VRTN: variants seen among roughly 807,000 people sequenced by gnomAD.
VRTN encodes vertebrae development associated, also known as vertnin.
VRTN carries 5 observed loss-of-function variants against 18.2 expected under a neutral mutation model. The observed-to-expected ratio is 0.27, with a 90% CI of 0.14 to 0.58. The LOEUF is 0.58. Ranked by LOEUF, VRTN falls within the 20% of genes least tolerant of loss-of-function variation. The pLI is 0.91. For synonymous variants in VRTN, 381 were observed against 393.7 expected (o/e 0.97, Z 0.38); for missense variants, 741 against 939.4 (o/e 0.79, Z 2.76).
chr14:74,306,077 AT>A (rs1286138283), intron 1 of VRTN: 1 of 147,870 alleles, frequency 6.8e-6, no homozygotes, highest in African/African-American at 2.5e-5. Context: ...TAAAATTTAA[AT>A]TTAAAGATTA....
intron 1 of VRTN, among the ~76,000 whole-genome samples, chr14:74,315,474 G>C (rs2085414536): frequency 1.3e-5 from 2 of 152,170 alleles, no homozygotes; most frequent in African/African-American, 2.4e-5. Flanking sequence ...CGAGGCGGGA[G>C]GACTGCTTGA....
intron 1 of VRTN, among the ~76,000 whole-genome samples, chr14:74,315,938 C>G (rs1408170222): frequency 6.6e-6 from 1 of 152,200 alleles, no homozygotes; most frequent in Non-Finnish European, 1.5e-5. Context: ...CAGTGGCCCT[C>G]CTTTCTACCC....
At chr14:74,322,648 A>T (rs932216322) in intron 1 of VRTN, among the ~76,000 whole-genome samples, 1 of 152,050 alleles carries the variant, frequency 6.6e-6, no homozygotes. Flanking sequence ...GCCCCTATGG[A>T]ACTGTCCAAC....
At chr14:74,337,129 G>C (rs1348813867) in intron 1 of VRTN, among the ~76,000 whole-genome samples, 1 of 152,100 alleles carries the variant, frequency 6.6e-6, no homozygotes, top group Non-Finnish European at 1.5e-5. Flanking sequence ...GATCACTTGA[G>C]GTCAGGAGTT....
chr14:74,327,940 C>T (rs1442674957), intron 1 of VRTN, among the ~76,000 whole-genome samples: 1 of 152,058 alleles, frequency 6.6e-6, no homozygotes, highest in African/African-American at 2.4e-5. Context: ...GGGCTGGTCG[C>T]GAACCCCTGA....
At position 74,356,961 on chromosome 14, in the gene VRTN, T is replaced by C; in HGVS notation, c.178T>C (p.Ser60Pro). The C allele has an allele frequency of 6.2e-7, 1 of 1,613,744 alleles. No individual in the cohort carries two copies. The highest frequency in any genetic ancestry group is 1.1e-5 in the South Asian group (1 of 91,016). Residue 60 changes from serine to proline, a missense_variant, in exon 2 of 2, where the codon TCG becomes CCG. By Grantham distance (74) the Ser-to-Pro change is moderately conservative. Coordinates refer to ENST00000256362, the MANE Select transcript of VRTN (RefSeq NM_018228.3). The stretch of plus-strand genomic sequence containing the variant: ...TGGCCTCCAGGTGCTGGAAGTGGAC[T>C]CGGTGGCCCTGAGCCTGTATCCAGA... ...GPGLQVLEVD[S>P]VALSLYPEDA...
intron 1 of VRTN, among the ~76,000 whole-genome samples, chr14:74,348,944 C>T (rs1464719399): frequency 6.8e-6 from 1 of 148,110 alleles, no homozygotes; most frequent in Non-Finnish European, 1.5e-5. Flanking sequence ...TGGCCTCGGT[C>T]CCTCCCCAGG....
upstream of VRTN, among the ~76,000 whole-genome samples, chr14:74,345,486 G>A (rs2085638076): frequency 6.6e-6 from 1 of 150,610 alleles, no homozygotes; most frequent in Non-Finnish European, 1.5e-5. Context: ...CGAGTAGCTG[G>A]GATTATGGGC....
chr14:74,344,558 C>T (rs2085630453), upstream of VRTN, among the ~76,000 whole-genome samples: 1 of 150,766 alleles, frequency 6.6e-6, no homozygotes, highest in South Asian at 2.1e-4. Flanking sequence ...ATGGTAAAAC[C>T]CTGTCTCTAC....
chr14:74,340,956 A>G lies in VRTN; in HGVS notation c.-2+3072A>G, dbSNP rs1427962456. On this transcript the variant is annotated intron_variant, in intron 2 of 2. Coordinates refer to the VRTN transcript ENST00000557177. ...ACGGGGTTTCACCATGTTGGCCAGG[A>G]TGGTCTTGATCTCCTGACCCTGTGA... Among the ~76,000 whole-genome samples the G allele has an allele frequency of 4.0e-5, 6 of 151,576 alleles. No individual in the cohort carries two copies. In the South Asian group the frequency reaches 1.3e-3, roughly 32 times the overall value.
chr14:74,354,064 G>A (rs943215208), intron 1 of VRTN, among the ~76,000 whole-genome samples: 2 of 152,034 alleles, frequency 1.3e-5, no homozygotes, highest in African/African-American at 4.8e-5. Flanking sequence ...TGGAGACTTG[G>A]AAAAATGTTA....
At chr14:74,316,744 C>G (rs1330651321) in intron 1 of VRTN, among the ~76,000 whole-genome samples, 1 of 148,836 alleles carries the variant, frequency 6.7e-6, no homozygotes, top group Non-Finnish European at 1.5e-5. Flanking sequence ...TCACGCCATT[C>G]TCCTGCCTCA....
At chr14:74,331,542 TTTTATATATATATATATATA>T (rs1228915618) in intron 1 of VRTN, among the ~76,000 whole-genome samples, 3,118 of 64,904 alleles carry the variant, frequency 0.048, 187 homozygotes, top group African/African-American at 0.084. Context: ...AAAAAAAAAA[TTTTATATATATATATATATA>T]TATATATATA....
intron 1 of VRTN, among the ~76,000 whole-genome samples, chr14:74,307,853 C>T (rs1209988221): frequency 1.3e-5 from 2 of 152,020 alleles, no homozygotes; most frequent in Admixed American, 6.6e-5. Context: ...GTTTAGCCTC[C>T]CAAGCAGCTG....
intron 1 of VRTN, among the ~76,000 whole-genome samples, chr14:74,303,928 G>A (rs1000389083): frequency 6.8e-6 from 1 of 146,048 alleles, no homozygotes; most frequent in Non-Finnish European, 1.5e-5. Context: ...ATCGGCTCAC[G>A]GCAACCTCAG....
intron 1 of VRTN, among the ~76,000 whole-genome samples, chr14:74,355,100 C>T (rs1242141873): frequency 6.7e-6 from 1 of 150,160 alleles, no homozygotes; most frequent in Non-Finnish European, 1.5e-5. Context: ...TGAGATTGCG[C>T]CCCTGCACTC....
intron 2 of VRTN, among the ~76,000 whole-genome samples, chr14:74,342,487 G>A (rs1399504042): frequency 6.6e-6 from 1 of 151,944 alleles, no homozygotes; most frequent in Non-Finnish European, 1.5e-5. Flanking sequence ...ACATACACGT[G>A]AATGTATATA....
At chr14:74,327,214 C>G (rs1438506960) in intron 1 of VRTN, among the ~76,000 whole-genome samples, 6 of 152,116 alleles carry the variant, frequency 3.9e-5, no homozygotes, top group African/African-American at 1.4e-4. Context: ...TCACCACAGC[C>G]CAAGGTGAAA....
intron 1 of VRTN, among the ~76,000 whole-genome samples, chr14:74,324,614 G>A (rs1036902765): frequency 6.6e-6 from 1 of 151,484 alleles, no homozygotes; most frequent in East Asian, 2.0e-4. Context: ...CAGGCCGGGT[G>A]TGGTGGCTCA....
Sources: gnomAD v4.1 joint callset for allele counts (sites outside exome capture counted in the v4.1 genomes callset) on GRCh38, gnomAD v4.1.1 for gene constraint, MANE v1.5 for transcripts, NCBI Gene and HGNC (gene_info 2026-07-23, HGNC 2026-07-21) for gene names.